The following GPC6 variants were observed in gnomAD, a reference collection of about 807,000 sequenced individuals.
The protein encoded by GPC6 is glypican 6.
In GPC6, 14 loss-of-function variants were observed where a neutral mutation model predicts 55.2. That is an observed-to-expected ratio of 0.25 (90% CI 0.17 to 0.40). GPC6 has a LOEUF of 0.40. Ranked by LOEUF, GPC6 falls within the 10% of genes least tolerant of loss-of-function variation. The pLI, the probability that GPC6 is intolerant of heterozygous loss-of-function variation, is 1.00. For missense variants in GPC6, 641 were observed against 708.5 expected, an observed-to-expected ratio of 0.90 and a Z score of 1.08; for synonymous variants, 278 against 259.6, an observed-to-expected ratio of 1.07 and a Z score of -0.68.
rs528961000 is a variant in GPC6 at position 94,040,703 on chromosome 13, T to C, written c.877+12809T>C. On this transcript the variant is annotated intron_variant, in intron 4 of 8. Coordinates refer to ENST00000377047, the MANE Select transcript of GPC6 (RefSeq NM_005708.5). Reference sequence around the variant, plus strand: ...GTGGCCAGATGAAAGGCTGAGCCTATAGGCTGCATTCAGTCTTCCAGTTTC... The same window carrying C: ...GTGGCCAGATGAAAGGCTGAGCCTACAGGCTGCATTCAGTCTTCCAGTTTC... 9.9e-5 allele frequency among the ~76,000 whole-genome samples: 15 copies of C among 152,014 alleles called. No homozygotes were observed. In the East Asian group the frequency reaches 2.9e-3, roughly 30 times the overall value.
chr13:93,629,962 T>C (rs1879362885), intron 2 of GPC6, among the ~76,000 whole-genome samples: 1 of 152,240 alleles, frequency 6.6e-6, no homozygotes, highest in Admixed American at 6.5e-5. Context: ...CTTTTTAATC[T>C]ATAGAAATGT....
intron 2 of GPC6, among the ~76,000 whole-genome samples, chr13:93,694,712 G>A (rs943015452): frequency 1.4e-4 from 22 of 152,142 alleles, no homozygotes; most frequent in Non-Finnish European, 2.4e-4. Flanking sequence ...TTGAAAACAA[G>A]GCAGTATCAG....
chr13:94,023,858 G>GA lies in GPC6; in HGVS notation c.712-3862dup, dbSNP rs929189922. ...ATGGACCTTGAGGGCATTATGCTCAGAAAAAAAAAGTCAAGCTCAAAAGGT... is the reference window on the plus strand; with the variant it reads ...ATGGACCTTGAGGGCATTATGCTCAGAAAAAAAAAAGTCAAGCTCAAAAGGT... On this transcript the variant is annotated intron_variant, in intron 3 of 8. Transcript: ENST00000377047. Among the ~76,000 whole-genome samples the GA allele has an allele frequency of 3.3e-4, 49 of 150,506 alleles. No homozygotes were observed. In the East Asian group the frequency reaches 9.1e-3, roughly 28 times the overall value.
chr13:94,258,746 C>T (rs879665952), intron 4 of GPC6, among the ~76,000 whole-genome samples: 8 of 152,106 alleles, frequency 5.3e-5, no homozygotes, highest in African/African-American at 7.2e-5. Flanking sequence ...ATAATAATTT[C>T]GGTAGAGTAA....
chr13:94,107,579 T>C lies in GPC6; in HGVS notation c.877+79685T>C, dbSNP rs34653779. Among the ~76,000 whole-genome samples the C allele has an allele frequency of 2.5e-3, 121 of 48,532 alleles. 2 individuals are homozygous for C. Among genetic ancestry groups the C allele is most frequent in the South Asian group, 3.2e-3 (6 of 1,892 alleles). 31.8% of individuals were successfully genotyped at this position (48,532 alleles called of 152,430 possible). A position where few individuals can be genotyped will look rare whatever the true frequency, so the allele number is the denominator to read the frequency against. On this transcript the variant is annotated intron_variant, in intron 4 of 8. Transcript: ENST00000377047. ...TTTTTCTTTTTCTATTTCTTTCTCT[T>C]TTTTTTTTTTTTTTCCACCTGCAAG...
intron 4 of GPC6, among the ~76,000 whole-genome samples, chr13:94,069,979 G>T (rs868689077): frequency 6.6e-6 from 1 of 152,048 alleles, no homozygotes; most frequent in South Asian, 2.1e-4. Flanking sequence ...TATCTTTTTA[G>T]CAGTGCCCCA....
intron 2 of GPC6, among the ~76,000 whole-genome samples, chr13:93,614,694 TATC>T (rs1284972640): frequency 6.6e-6 from 1 of 152,212 alleles, no homozygotes; most frequent in Non-Finnish European, 1.5e-5. Flanking sequence ...GTTTGATATT[TATC>T]TTTTATTTAT....
At chr13:93,954,720 T>C (rs1435817063) in intron 3 of GPC6, among the ~76,000 whole-genome samples, 1 of 152,100 alleles carries the variant, frequency 6.6e-6, no homozygotes, top group Non-Finnish European at 1.5e-5. Flanking sequence ...CAGCAGACAC[T>C]CAGTCCCACT....
intron 2 of GPC6, among the ~76,000 whole-genome samples, chr13:93,623,459 T>TC (rs76270716): frequency 0.031 from 3,883 of 124,006 alleles, 98 homozygotes; most frequent in African/African-American, 0.085. Context: ...TCTTTTCTTT[T>TC]TTTTTTTTTT....
intron 1 of GPC6, among the ~76,000 whole-genome samples, chr13:93,378,734 G>T (rs752970213): frequency 6.6e-6 from 1 of 152,152 alleles, no homozygotes; most frequent in South Asian, 2.1e-4. Context: ...GGTGGCTCAC[G>T]CTTGTAATCC....
At chr13:93,503,895 G>T (rs1443825270) in intron 1 of GPC6, among the ~76,000 whole-genome samples, 1 of 152,076 alleles carries the variant, frequency 6.6e-6, no homozygotes, top group Non-Finnish European at 1.5e-5. Flanking sequence ...GACAATATGA[G>T]ATATAGTATA....
chr13:94,390,354 A>C (rs1450642192), intron 7 of GPC6, among the ~76,000 whole-genome samples: 2 of 152,198 alleles, frequency 1.3e-5, no homozygotes, highest in Non-Finnish European at 2.9e-5. Context: ...AGGTGGGTGT[A>C]TTCATCCGTT....
intron 1 of GPC6, among the ~76,000 whole-genome samples, chr13:93,501,928 A>C (rs1157303709): frequency 6.6e-6 from 1 of 152,152 alleles, no homozygotes; most frequent in Non-Finnish European, 1.5e-5. Context: ...CATGTTTAAT[A>C]ATTTGAAATG....
chr13:93,759,955 T>C (rs1344806006), intron 2 of GPC6, among the ~76,000 whole-genome samples: 1 of 150,030 alleles, frequency 6.7e-6, no homozygotes, highest in Non-Finnish European at 1.5e-5. Context: ...GTGTGGTAGA[T>C]ACCCTGTTTA....
chr13:94,009,537 G>GGCA (rs1189048764), intron 3 of GPC6, among the ~76,000 whole-genome samples: 1 of 152,134 alleles, frequency 6.6e-6, no homozygotes, highest in Non-Finnish European at 1.5e-5. Flanking sequence ...GTAAGAAGTT[G>GGCA]GCAGTGAAAT....
At chr13:93,363,394 T>TTGTTCTTGTGATAGTTTAC (rs1189488334) in intron 1 of GPC6, among the ~76,000 whole-genome samples, 1 of 151,906 alleles carries the variant, frequency 6.6e-6, no homozygotes, top group East Asian at 1.9e-4. Flanking sequence ...GTTTGGTTTT[T>TTGTTCTTGTGATAGTTTAC]TGTTCTTGTG....
chr13:94,145,900 G>T (rs1201773468), intron 4 of GPC6, among the ~76,000 whole-genome samples: 1 of 152,126 alleles, frequency 6.6e-6, no homozygotes, highest in Non-Finnish European at 1.5e-5. Flanking sequence ...TCAGTATTAA[G>T]CTGCAACTGG....
At chr13:93,216,957 T>C in the GPC6 span, among the ~76,000 whole-genome samples, 1 of 152,200 alleles carries the variant, frequency 6.6e-6, no homozygotes, top group African/African-American at 2.4e-5. Flanking sequence ...CCATCTGAGC[T>C]GCTACCAATT....
At chr13:94,073,926 G>T (rs978259691) in intron 4 of GPC6, among the ~76,000 whole-genome samples, 2 of 152,112 alleles carry the variant, frequency 1.3e-5, no homozygotes, top group Non-Finnish European at 2.9e-5. Flanking sequence ...TGACACTTGG[G>T]AAATGGCACT....
Sources: allele counts gnomAD v4.1 joint callset (sites outside exome capture counted in the v4.1 genomes callset), GRCh38; gene constraint gnomAD v4.1.1; transcripts MANE v1.5; gene names NCBI Gene and HGNC (gene_info 2026-07-23, HGNC 2026-07-21).